Variants in LRBA observed in about 807,000 individuals in gnomAD.
The protein encoded by LRBA is LPS responsive beige-like anchor protein, also known as lipopolysaccharide-responsive and beige-like anchor protein.
Under a neutral mutation model 330.0 loss-of-function variants are expected in LRBA, and 176 were observed. The ratio of observed to expected loss-of-function variants is 0.53; its 90% CI spans 0.47 to 0.60. The LOEUF is 0.60. Among genes scored for constraint, LRBA ranks in the 20% least tolerant of loss-of-function variants. The pLI, the probability that LRBA is intolerant of heterozygous loss-of-function variation, is 0.00. For missense variants in LRBA, 3,259 were observed against 3,444.8 expected (o/e 0.95, Z 1.35); for synonymous variants, 1,230 against 1,193.0 (o/e 1.03, Z -0.64).
At chr4:150,542,886 A>T (rs1765460584) in intron 40 of LRBA, among the ~76,000 whole-genome samples, 1 of 152,194 alleles carries the variant, frequency 6.6e-6, no homozygotes, top group Non-Finnish European at 1.5e-5. Context: ...TTTCATAGCA[A>T]ACTTCAAGAA....
At chr4:150,709,237 T>C (rs1785943603) in intron 36 of LRBA, among the ~76,000 whole-genome samples, 1 of 151,888 alleles carries the variant, frequency 6.6e-6, no homozygotes, top group African/African-American at 2.4e-5. Context: ...TCTATCACAT[T>C]GTAACACACT....
chr4:150,429,433 A>C (rs1750078495), intron 46 of LRBA, among the ~76,000 whole-genome samples: 2 of 151,990 alleles, frequency 1.3e-5, no homozygotes, highest in African/African-American at 4.8e-5. Flanking sequence ...TTTGGAAAGG[A>C]GTTAGGTAGT....
rs189402142 is a variant in LRBA, at chr4:150,508,343, C to T, written c.6331-17308G>A. Among the ~76,000 whole-genome samples the T allele has an allele frequency of 4.7e-4, 71 of 149,704 alleles. 1 individual carries two copies. In the East Asian group the frequency reaches 5.8e-3, roughly 12 times the overall value. On this transcript the variant is annotated intron_variant, in intron 40 of 56. Transcript: ENST00000651943. ...TGTCACCCAGGCTGGAGTGCAGTGG[C>T]GTGATCTCTGCTCACTGCAACCTCT...
chr4:150,335,093 G>A (rs898306480), intron 48 of LRBA, among the ~76,000 whole-genome samples: 4 of 151,868 alleles, frequency 2.6e-5, no homozygotes, highest in African/African-American at 9.7e-5. Context: ...GCCTCCCAAA[G>A]TGCTGGGATT....
At chr4:150,670,317 C>T (rs999521431) in intron 37 of LRBA, among the ~76,000 whole-genome samples, 12 of 152,216 alleles carry the variant, frequency 7.9e-5, no homozygotes, top group African/African-American at 1.7e-4. Context: ...ATTGACTTCA[C>T]GATAAACTAA....
intron 40 of LRBA, among the ~76,000 whole-genome samples, chr4:150,498,235 C>T (rs936622671): frequency 9.9e-5 from 15 of 152,142 alleles, no homozygotes; most frequent in African/African-American, 3.4e-4. Context: ...AGTTGATGCA[C>T]CTTTAAGCCC....
chr4:150,469,890 T>C (rs1454922007), intron 43 of LRBA, among the ~76,000 whole-genome samples: 1 of 152,130 alleles, frequency 6.6e-6, no homozygotes. Context: ...ACATTTAAAA[T>C]AACCATAATT....
intron 13 of LRBA, among the ~76,000 whole-genome samples, chr4:150,901,303 C>A (rs1148647): frequency 0.31 from 20,294 of 65,898 alleles, 2,106 homozygotes; most frequent in South Asian, 0.51. Flanking sequence ...TCAAAAAAAA[C>A]AAATTTTTTT....
At chr4:150,439,259 C>T (rs987800730) in intron 44 of LRBA, among the ~76,000 whole-genome samples, 1 of 152,006 alleles carries the variant, frequency 6.6e-6, no homozygotes, top group Non-Finnish European at 1.5e-5. Context: ...AAATGAGTAA[C>T]CCCCAAAATC....
chr4:150,800,645 T>A (rs1227066133), intron 33 of LRBA, among the ~76,000 whole-genome samples: 1 of 152,150 alleles, frequency 6.6e-6, no homozygotes, highest in African/African-American at 2.4e-5. Flanking sequence ...AGAACTATCA[T>A]TTTCATTTTA....
At chr4:150,334,740 T>G (rs542446080) in intron 48 of LRBA, among the ~76,000 whole-genome samples, 5 of 150,872 alleles carry the variant, frequency 3.3e-5, no homozygotes, top group African/African-American at 1.2e-4. Context: ...ACAAAACAAT[T>G]TTCATTTTGA....
chr4:150,491,345 A>G (rs905636941), intron 40 of LRBA, among the ~76,000 whole-genome samples: 1 of 152,192 alleles, frequency 6.6e-6, no homozygotes, highest in African/African-American at 2.4e-5. Flanking sequence ...TTTAAACCAC[A>G]TTATGAAAAG....
intron 37 of LRBA, among the ~76,000 whole-genome samples, chr4:150,623,938 G>A (rs1420560265): frequency 1.3e-5 from 2 of 152,006 alleles, no homozygotes; most frequent in African/African-American, 2.4e-5. Flanking sequence ...CATGTGCCAT[G>A]CTGGTGTGCC....
intron 37 of LRBA, among the ~76,000 whole-genome samples, chr4:150,674,988 AG>A (rs1489649612): frequency 1.3e-5 from 2 of 152,136 alleles, no homozygotes; most frequent in African/African-American, 4.8e-5. Flanking sequence ...AAGCCAAGGT[AG>A]GTAGATTGCT....
At chr4:150,320,649 TA>T (rs960816862) in intron 50 of LRBA, among the ~76,000 whole-genome samples, 2 of 151,288 alleles carry the variant, frequency 1.3e-5, no homozygotes, top group African/African-American at 4.9e-5. Flanking sequence ...TACGAAAAGT[TA>T]AAAAAAATTA....
chr4:150,897,464 A>G (rs898521254), intron 15 of LRBA, among the ~76,000 whole-genome samples: 2 of 152,192 alleles, frequency 1.3e-5, no homozygotes, highest in African/African-American at 4.8e-5. Flanking sequence ...ACTAACAGAA[A>G]CATAGTAAAT....
At chr4:150,466,954 G>A (rs1405751196) in intron 44 of LRBA, among the ~76,000 whole-genome samples, 1 of 152,044 alleles carries the variant, frequency 6.6e-6, no homozygotes, top group Non-Finnish European at 1.5e-5. Context: ...CACTATAAGA[G>A]GTCCCACCCG....
At chr4:150,389,993 G>A (rs1368033721) in intron 47 of LRBA, among the ~76,000 whole-genome samples, 1 of 147,178 alleles carries the variant, frequency 6.8e-6, no homozygotes, top group Admixed American at 6.9e-5. Flanking sequence ...ATTCAGAAAA[G>A]TGCTTCTTAT....
chr4:150,954,679 T>A (rs1173409604), intron 2 of LRBA, among the ~76,000 whole-genome samples: 53 of 149,476 alleles, frequency 3.5e-4, no homozygotes, highest in Non-Finnish European at 6.3e-4. Context: ...TTTGTTCACA[T>A]GTTTATCTGC....
Sources: allele counts gnomAD v4.1 joint callset (sites outside exome capture counted in the v4.1 genomes callset), GRCh38; gene constraint gnomAD v4.1.1; transcripts MANE v1.5; gene names NCBI Gene and HGNC (gene_info 2026-07-23, HGNC 2026-07-21).